ZNF385D: variants seen among roughly 807,000 people sequenced by gnomAD.
ZNF385D encodes the protein zinc finger protein 659.
In ZNF385D, 15 loss-of-function variants were observed where a neutral mutation model predicts 35.8. The ratio of observed to expected loss-of-function variants is 0.42; its 90% CI spans 0.28 to 0.64. ZNF385D has a LOEUF of 0.64. ZNF385D is among the 30% of genes least tolerant of loss of function. The pLI is 0.23. For missense variants in ZNF385D, 474 were observed against 494.6 expected, an observed-to-expected ratio of 0.96 and a Z score of 0.39; for synonymous variants, 212 against 186.8, an observed-to-expected ratio of 1.13 and a Z score of -1.10.
chr3:21,465,128 C>A lies in ZNF385D; in HGVS notation c.440-27925G>T, dbSNP rs570958609. Among the ~76,000 whole-genome samples, 1 of 152,232 alleles carries A rather than the reference C, an allele frequency of 6.6e-6. No individual in the cohort carries two copies. The highest frequency in any genetic ancestry group is 2.4e-5 in the African/African-American group (1 of 41,548). ...CAAAGCTGTCTCTGTCTATATGGAG[C>A]ATTTTTGTTAAATATTTCTTTGCAC... On this transcript the variant is annotated intron_variant, in intron 4 of 7. Transcript: ENST00000281523. This position sits in a 1 kb window ranked among gnomAD's most constrained non-coding sequence, Gnocchi z 4.2.
At chr3:22,311,601 G>C (rs1468154415) in intron 2 of ZNF385D, among the ~76,000 whole-genome samples, 1 of 152,062 alleles carries the variant, frequency 6.6e-6, no homozygotes, top group Non-Finnish European at 1.5e-5. Context: ...TAAACGTAAA[G>C]ATGTAAACTC....
rs112971795 is a variant in ZNF385D, at chr3:21,921,527, T to C, written c.325+247290A>G. 6.3e-3 allele frequency among the ~76,000 whole-genome samples: 951 copies of C among 151,780 alleles called. 9 individuals are homozygous for C. The highest frequency in any genetic ancestry group is 0.022 in the African/African-American group (927 of 41,494). ...ATATGCCCAGAAGTAAATCTTATGA[T>C]ATCAAAGCAATCAATAGAATCTATG... is the stretch of plus-strand genomic sequence containing the variant. On this transcript the variant is annotated intron_variant, in intron 3 of 5. Transcript: ENST00000494108.
chr3:21,746,666 G>C (rs1045130492), intron 1 of ZNF385D, among the ~76,000 whole-genome samples: 2 of 152,140 alleles, frequency 1.3e-5, no homozygotes, highest in Admixed American at 6.5e-5. Context: ...TGTCAGCTTC[G>C]GGGAGATAGA....
At chr3:21,474,298 A>G (rs528259870) in intron 4 of ZNF385D, among the ~76,000 whole-genome samples, 17 of 152,246 alleles carry the variant, frequency 1.1e-4, no homozygotes, top group Non-Finnish European at 2.1e-4. Flanking sequence ...CTATACAACT[A>G]TACACCTTGT....
chr3:21,823,325 C>T (rs925375658), intron 3 of ZNF385D, among the ~76,000 whole-genome samples: 1 of 152,096 alleles, frequency 6.6e-6, no homozygotes, highest in Non-Finnish European at 1.5e-5. Flanking sequence ...CAAATCTTCA[C>T]TATGATAATT....
intron 2 of ZNF385D, among the ~76,000 whole-genome samples, chr3:22,287,210 C>T (rs944133350): frequency 2.4e-4 from 36 of 151,810 alleles, no homozygotes; most frequent in Non-Finnish European, 3.8e-4. Flanking sequence ...CTCTCTTTTC[C>T]ATTGCATAGG....
chr3:21,951,821 C>T (rs948460162), intron 3 of ZNF385D, among the ~76,000 whole-genome samples: 1 of 151,596 alleles, frequency 6.6e-6, no homozygotes, highest in Non-Finnish European at 1.5e-5. Flanking sequence ...CTCCCCCACT[C>T]TTGAGTTTAT....
chr3:22,165,532 C>A (rs530840925), intron 3 of ZNF385D, among the ~76,000 whole-genome samples: 1 of 152,224 alleles, frequency 6.6e-6, no homozygotes, highest in East Asian at 1.9e-4. Flanking sequence ...TTACAAATAC[C>A]TACTGATGGC....
At chr3:22,252,884 A>C (rs911460530) in intron 2 of ZNF385D, among the ~76,000 whole-genome samples, 1 of 152,136 alleles carries the variant, frequency 6.6e-6, no homozygotes, top group Non-Finnish European at 1.5e-5. Context: ...GAAGACTGTA[A>C]AAATGTTCCT....
intron 2 of ZNF385D, among the ~76,000 whole-genome samples, chr3:22,179,340 T>C (rs1446927725): frequency 6.6e-6 from 1 of 152,232 alleles, no homozygotes; most frequent in Non-Finnish European, 1.5e-5. Context: ...TTATTCTCTT[T>C]GAAGAAATTG....
chr3:21,917,452 C>T (rs1178211035), intron 3 of ZNF385D, among the ~76,000 whole-genome samples: 3 of 152,056 alleles, frequency 2.0e-5, no homozygotes, highest in African/African-American at 7.2e-5. Context: ...CCTTAAGGGT[C>T]TACCATTTCT....
intron 3 of ZNF385D, among the ~76,000 whole-genome samples, chr3:21,998,913 T>A (rs1200633157): frequency 6.6e-6 from 1 of 152,172 alleles, no homozygotes; most frequent in Non-Finnish European, 1.5e-5. Context: ...AGGAAAATTA[T>A]ATTAAAGCAG....
chr3:21,460,249 T>A (rs1003484055), intron 4 of ZNF385D, among the ~76,000 whole-genome samples: 2 of 152,156 alleles, frequency 1.3e-5, no homozygotes, highest in Non-Finnish European at 2.9e-5. Context: ...CTGGCCTGCA[T>A]GAATGACTAA....
intron 3 of ZNF385D, among the ~76,000 whole-genome samples, chr3:21,549,055 C>G (rs1159004753): frequency 6.6e-6 from 1 of 152,264 alleles, no homozygotes; most frequent in African/African-American, 2.4e-5. Flanking sequence ...AATGTATCTA[C>G]TGGTCACATG....
chr3:21,853,259 T>C lies in ZNF385D; in HGVS notation c.326-188231A>G, dbSNP rs189028548. On this transcript the variant is annotated intron_variant, in intron 3 of 5. Coordinates refer to the ZNF385D transcript ENST00000494108. ...TGTTGGCAAGAGTGCCTATAATCAC[T>C]TTCCATAAAAGGACAGTAAAAGGTC... Among the ~76,000 whole-genome samples, 169 of 151,978 alleles carry C rather than the reference T, an allele frequency of 1.1e-3. 1 individual carries two copies. The highest frequency in any genetic ancestry group is 2.4e-4 in the Non-Finnish European group (16 of 67,804).
chr3:21,436,554 A>G (rs1036057727), intron 5 of ZNF385D, among the ~76,000 whole-genome samples: 1 of 152,164 alleles, frequency 6.6e-6, no homozygotes, highest in African/African-American at 2.4e-5. Flanking sequence ...ATAAAAATCA[A>G]AATAGAGGGG....
chr3:22,151,076 T>C (rs755069276), intron 3 of ZNF385D, among the ~76,000 whole-genome samples: 3 of 152,166 alleles, frequency 2.0e-5, no homozygotes, highest in Non-Finnish European at 4.4e-5. Context: ...GTGTTCAACA[T>C]GAACATGATT....
chr3:21,743,857 G>A (rs896714852), intron 1 of ZNF385D, among the ~76,000 whole-genome samples: 2 of 152,106 alleles, frequency 1.3e-5, no homozygotes, highest in Non-Finnish European at 2.9e-5. Flanking sequence ...AAAAGACAAG[G>A]CAGAATAAAA....
At chr3:21,892,502 T>C (rs1404597391) in intron 3 of ZNF385D, among the ~76,000 whole-genome samples, 1 of 152,204 alleles carries the variant, frequency 6.6e-6, no homozygotes, top group Non-Finnish European at 1.5e-5. Flanking sequence ...TTAAAACTAT[T>C]ATTATCATTA....
Sources: gnomAD v4.1 joint callset for allele counts (sites outside exome capture counted in the v4.1 genomes callset) on GRCh38, gnomAD v4.1.1 for gene constraint, Gnocchi (gnomAD v3.1) non-coding constraint, MANE v1.5 for transcripts, NCBI Gene and HGNC (gene_info 2026-07-23, HGNC 2026-07-21) for gene names.